The following RASGEF1C variants were observed in gnomAD, a reference collection of about 807,000 sequenced individuals.
RASGEF1C encodes the protein RasGEF domain family member 1C.
Under a neutral mutation model 58.1 loss-of-function variants are expected in RASGEF1C, and 27 were observed. The ratio of observed to expected loss-of-function variants is 0.46; its 90% CI spans 0.34 to 0.64. RASGEF1C has a LOEUF of 0.64. Among genes scored for constraint, RASGEF1C ranks in the 30% least tolerant of loss-of-function variants. RASGEF1C has a pLI of 0.01. For synonymous variants in RASGEF1C, 243 were observed against 246.3 expected (o/e 0.99, Z 0.13); for missense variants, 502 against 605.1 (o/e 0.83, Z 1.79).
At chr5:180,187,746 G>T (rs1221254409) in intron 1 of RASGEF1C, among the ~76,000 whole-genome samples, 1 of 152,140 alleles carries the variant, frequency 6.6e-6, no homozygotes, top group Non-Finnish European at 1.5e-5. Context: ...AATATAAAAA[G>T]ATATTCCACA....
intron 1 of RASGEF1C, among the ~76,000 whole-genome samples, chr5:180,149,088 C>CTTTTTTTTTTTTTTTTTTTTT (rs61204210): frequency 1.8e-5 from 2 of 110,158 alleles, no homozygotes; most frequent in African/African-American, 3.4e-5. Context: ...CTTTTTTTTT[C>CTTTTTTTTTTTTTTTTTTTTT]TTTTTTTTTT....
At chr5:180,157,216 G>C (rs1390117264) in intron 1 of RASGEF1C, among the ~76,000 whole-genome samples, 2 of 152,330 alleles carry the variant, frequency 1.3e-5, no homozygotes, top group East Asian at 1.9e-4. Flanking sequence ...CTACACACAG[G>C]TGTTTCTAGC....
At chr5:180,133,930 G>A (rs1766422050) in intron 4 of RASGEF1C, among the ~76,000 whole-genome samples, 1 of 152,188 alleles carries the variant, frequency 6.6e-6, no homozygotes, top group Non-Finnish European at 1.5e-5. Flanking sequence ...GGGACTCCCC[G>A]CTGCAAAGCT....
chr5:180,140,061 G>T (rs1220873879), intron 1 of RASGEF1C, among the ~76,000 whole-genome samples: 2 of 152,200 alleles, frequency 1.3e-5, no homozygotes, highest in Non-Finnish European at 2.9e-5. Flanking sequence ...TAAAGAGACA[G>T]CCAGGAGGCT....
intron 1 of RASGEF1C, among the ~76,000 whole-genome samples, chr5:180,172,617 G>A (rs370200596): frequency 1.1e-4 from 17 of 152,282 alleles, no homozygotes; most frequent in African/African-American, 4.1e-4. Context: ...AAAGAGCCAG[G>A]TCTGTACTGT....
chr5:180,204,196 C>T (rs773888745), intron 1 of RASGEF1C, among the ~76,000 whole-genome samples: 8 of 152,166 alleles, frequency 5.3e-5, no homozygotes, highest in African/African-American at 1.9e-4. Context: ...TGAACAACTG[C>T]GTTGTCTCTA....
At chr5:180,126,715 C>T (rs13159154) in intron 6 of RASGEF1C, among the ~76,000 whole-genome samples, 79,532 of 152,018 alleles carry the variant, frequency 0.52, 21,227 homozygotes, top group East Asian at 0.72. Flanking sequence ...CCATGGGTGA[C>T]AAGGCAATCT....
chr5:180,134,046 C>T (rs1028000985), intron 4 of RASGEF1C, among the ~76,000 whole-genome samples: 2 of 152,210 alleles, frequency 1.3e-5, no homozygotes, highest in Admixed American at 6.5e-5. Context: ...CAGTCCGGAT[C>T]TGGGTGGGCT....
intron 11 of RASGEF1C, among the ~76,000 whole-genome samples, chr5:180,112,612 C>T (rs1013300759): frequency 5.3e-5 from 8 of 152,286 alleles, no homozygotes; most frequent in East Asian, 1.9e-4. Context: ...CTAAGGCCAA[C>T]GCTAGGGTGG....
chr5:180,163,231 C>CTTTTTTTTTTTTTTTTTTTTT lies in RASGEF1C; in HGVS notation c.-6-25194_-6-25174dup, dbSNP rs1220517606. Among the ~76,000 whole-genome samples the CTTTTTTTTTTTTTTTTTTTTT allele has an allele frequency of 3.6e-4, 7 of 19,458 alleles. 2 individuals carry two copies. The highest frequency in any genetic ancestry group is 4.2e-4 in the Non-Finnish European group (3 of 7,158). The allele number at this position is 19,458 out of a possible 152,430, so 12.8% of individuals were successfully genotyped here. A position where few individuals can be genotyped will look rare whatever the true frequency, so the allele number is the denominator to read the frequency against. On this transcript the variant is annotated intron_variant, in intron 1 of 13. Transcript: ENST00000361132. The stretch of plus-strand genomic sequence containing the variant: ...TTCCCTTCCTCTCACCACCCCCTCA[C>CTTTTTTTTTTTTTTTTTTTTT]TTTTTTTTTTTTTTTTTTTTTCCAG...
At chr5:180,161,176 G>C (rs576553194) in intron 1 of RASGEF1C, among the ~76,000 whole-genome samples, 1 of 152,216 alleles carries the variant, frequency 6.6e-6, no homozygotes. Flanking sequence ...TGGGATAAAC[G>C]CAAAGTTCCC....
At chr5:180,191,598 C>T (rs916162631) in intron 1 of RASGEF1C, among the ~76,000 whole-genome samples, 11 of 152,236 alleles carry the variant, frequency 7.2e-5, no homozygotes, top group East Asian at 3.9e-4. Flanking sequence ...CCTCGTGATC[C>T]GCCCGCCTCA....
intron 1 of RASGEF1C, among the ~76,000 whole-genome samples, chr5:180,193,474 C>T (rs1473756831): frequency 1.3e-5 from 2 of 152,106 alleles, no homozygotes; most frequent in African/African-American, 4.8e-5. Context: ...TCTGATTCCC[C>T]TGGGGGGAAA....
intron 1 of RASGEF1C, among the ~76,000 whole-genome samples, chr5:180,182,079 C>T (rs1039318608): frequency 2.0e-5 from 3 of 151,566 alleles, no homozygotes; most frequent in East Asian, 3.9e-4. Flanking sequence ...GTGGCGGGCG[C>T]CTGTAGTCCC....
intron 10 of RASGEF1C, among the ~76,000 whole-genome samples, chr5:180,116,466 C>G (rs1371307931): frequency 6.6e-6 from 1 of 152,208 alleles, no homozygotes; most frequent in Non-Finnish European, 1.5e-5. Context: ...CCCTCTGCCC[C>G]TCCACCCCTC....
At chr5:180,134,675 C>G (rs1766434909) in intron 4 of RASGEF1C, among the ~76,000 whole-genome samples, 1 of 150,860 alleles carries the variant, frequency 6.6e-6, no homozygotes, top group South Asian at 2.1e-4. Flanking sequence ...CACAAATCCA[C>G]TTGCCTACCC....
At chr5:180,152,540 A>G (rs1191980982) in intron 1 of RASGEF1C, among the ~76,000 whole-genome samples, 29 of 127,774 alleles carry the variant, frequency 2.3e-4, no homozygotes, top group East Asian at 1.8e-3. Context: ...AGGAAGGGGA[A>G]CATCACACAC....
rs556377987 is a variant in RASGEF1C, at chr5:180,158,723, C to T, written c.-6-20665G>A. 3.9e-5 allele frequency among the ~76,000 whole-genome samples: 6 copies of T among 152,278 alleles called. No homozygotes were observed. In the South Asian group the frequency reaches 8.3e-4, roughly 21 times the overall value. The stretch of plus-strand genomic sequence containing the variant: ...CAAGTCTTTTGAAATTTCACAAGGA[C>T]GCACCTTGACACGGGCCTTTCTATG... On this transcript the variant is annotated intron_variant, in intron 1 of 13. Transcript: ENST00000361132. This position sits in a 1 kb window ranked among gnomAD's most constrained non-coding sequence, Gnocchi z 4.0.
chr5:180,193,883 G>A (rs576004270), intron 1 of RASGEF1C, among the ~76,000 whole-genome samples: 3 of 152,316 alleles, frequency 2.0e-5, no homozygotes, highest in East Asian at 1.9e-4. Flanking sequence ...GTGTGTCTCA[G>A]ATTTGCTGTA....
Sources: gnomAD v4.1 joint callset for allele counts (sites outside exome capture counted in the v4.1 genomes callset) on GRCh38, gnomAD v4.1.1 for gene constraint, Gnocchi (gnomAD v3.1) non-coding constraint, MANE v1.5 for transcripts, NCBI Gene and HGNC (gene_info 2026-07-23, HGNC 2026-07-21) for gene names.